Variants in SYT14 observed in about 807,000 individuals in gnomAD.
The protein encoded by SYT14 is synaptotagmin-14.
In SYT14, 32 loss-of-function variants were observed where a neutral mutation model predicts 74.2. That is an observed-to-expected ratio of 0.43 (90% confidence interval 0.33 to 0.58). The LOEUF (loss-of-function observed/expected upper bound fraction) is 0.58, where lower values mean the gene tolerates loss of function less well. Among genes scored for constraint, SYT14 ranks in the 20% least tolerant of loss-of-function variants. The pLI, the probability that SYT14 is intolerant of heterozygous loss-of-function variation, is 0.05. For missense variants in SYT14, 791 were observed against 981.8 expected, an observed-to-expected ratio of 0.81 and a Z score of 2.60; for synonymous variants, 298 against 337.7, an observed-to-expected ratio of 0.88 and a Z score of 1.29.
chr1:210,147,138 G>A (rs1254792298), intron 7 of SYT14, among the ~76,000 whole-genome samples: 3 of 150,504 alleles, frequency 2.0e-5, no homozygotes, highest in East Asian at 1.9e-4. Context: ...TGCTTTAATA[G>A]AATAAAGAAA....
intron 5 of SYT14, among the ~76,000 whole-genome samples, chr1:210,026,097 T>G (rs1462815451): frequency 1.3e-5 from 2 of 151,938 alleles, no homozygotes; most frequent in Admixed American, 6.6e-5. Context: ...TCTTCTGGGT[T>G]TTTTTTTGGA....
intron 5 of SYT14, among the ~76,000 whole-genome samples, chr1:210,037,872 G>C (rs1356624138): frequency 6.6e-6 from 1 of 152,030 alleles, no homozygotes; most frequent in Admixed American, 6.6e-5. Flanking sequence ...GTCTGTGTTG[G>C]AGAATATTCC....
At chr1:209,967,254 G>A (rs1289114226) in intron 2 of SYT14, among the ~76,000 whole-genome samples, 1 of 152,092 alleles carries the variant, frequency 6.6e-6, no homozygotes, top group East Asian at 1.9e-4. Flanking sequence ...CAGTAGGGAT[G>A]CTGGTTTATT....
intron 3 of SYT14, among the ~76,000 whole-genome samples, chr1:210,015,136 G>T (rs2080157790): frequency 6.6e-6 from 1 of 152,010 alleles, no homozygotes; most frequent in African/African-American, 2.4e-5. Context: ...GTGGTGAGAA[G>T]AGTGATTTTG....
chr1:209,982,694 C>G (rs556431808), intron 2 of SYT14, among the ~76,000 whole-genome samples: 12 of 152,244 alleles, frequency 7.9e-5, no homozygotes, highest in Admixed American at 2.0e-4. Context: ...AAGTTTTCAA[C>G]TTTTTTCAGT....
intron 5 of SYT14, among the ~76,000 whole-genome samples, chr1:210,084,343 T>C (rs1169759675): frequency 6.6e-6 from 1 of 152,208 alleles, no homozygotes; most frequent in Admixed American, 6.5e-5. Context: ...GAATATAAAT[T>C]CTCTTTGACT....
intron 2 of SYT14, among the ~76,000 whole-genome samples, chr1:209,981,029 A>T (rs532386135): frequency 2.0e-5 from 3 of 152,290 alleles, no homozygotes; most frequent in African/African-American, 7.2e-5. Flanking sequence ...CCTATAAATT[A>T]CTTTGGGCAG....
At chr1:210,149,145 T>C (rs2083106185) in intron 7 of SYT14, among the ~76,000 whole-genome samples, 1 of 151,340 alleles carries the variant, frequency 6.6e-6, no homozygotes, top group African/African-American at 2.4e-5. Flanking sequence ...TATGTATATA[T>C]ACATACATAT....
intron 2 of SYT14, among the ~76,000 whole-genome samples, chr1:209,974,348 T>C (rs1386538326): frequency 6.6e-6 from 1 of 152,256 alleles, no homozygotes; most frequent in Non-Finnish European, 1.5e-5. Flanking sequence ...GTTTCAGGTC[T>C]AACATTTACA....
At chr1:210,094,568 A>G (rs1292460245) in exon 6 of SYT14, 4 of 1,613,818 alleles carry the variant, frequency 2.5e-6, no homozygotes, top group East Asian at 2.2e-5. Flanking sequence ...GTTCCAAGTG[A>G]CAGCACTGCA....
chr1:210,030,125 A>G (rs1359649531), intron 5 of SYT14, among the ~76,000 whole-genome samples: 1 of 148,726 alleles, frequency 6.7e-6, no homozygotes, highest in Non-Finnish European at 1.5e-5. Context: ...GGATTTGTTT[A>G]TTAGTTTTTT....
chr1:209,974,379 A>G (rs1050858197), intron 2 of SYT14, among the ~76,000 whole-genome samples: 2 of 152,208 alleles, frequency 1.3e-5, no homozygotes, highest in African/African-American at 2.4e-5. Context: ...ATCTTGAATT[A>G]ATTTTTGTAT....
chr1:210,086,740 G>A (rs1016327318), intron 5 of SYT14, among the ~76,000 whole-genome samples: 7 of 152,166 alleles, frequency 4.6e-5, no homozygotes, highest in Non-Finnish European at 1.0e-4. Flanking sequence ...ATGTGTGGGT[G>A]TATGTGCAAA....
intron 5 of SYT14, among the ~76,000 whole-genome samples, chr1:210,091,682 A>G (rs1015656747): frequency 5.9e-5 from 9 of 152,154 alleles, no homozygotes; most frequent in Non-Finnish European, 1.3e-4. Flanking sequence ...TTTTGTACCA[A>G]CATTCTTTCT....
chr1:210,019,913 T>G (rs1331210477), intron 4 of SYT14, among the ~76,000 whole-genome samples: 1 of 152,190 alleles, frequency 6.6e-6, no homozygotes, highest in Non-Finnish European at 1.5e-5. Flanking sequence ...CTAGTGCTTT[T>G]TAGAACAATA....
chr1:210,097,618 C>T (rs1210806730), intron 6 of SYT14, among the ~76,000 whole-genome samples: 5 of 151,820 alleles, frequency 3.3e-5, no homozygotes, highest in Admixed American at 6.6e-5. Flanking sequence ...TCTTAGCTGT[C>T]GTGATGCTAT....
chr1:210,134,645 A>G (rs2082744372), intron 7 of SYT14, among the ~76,000 whole-genome samples: 1 of 152,094 alleles, frequency 6.6e-6, no homozygotes, highest in Non-Finnish European at 1.5e-5. Flanking sequence ...ACCATATACA[A>G]TAATGAACTC....
At chr1:210,137,784 G>C (rs1188453277) in intron 7 of SYT14, among the ~76,000 whole-genome samples, 1 of 151,120 alleles carries the variant, frequency 6.6e-6, no homozygotes, top group East Asian at 2.0e-4. Context: ...GGGTTCAAGT[G>C]ATTCTCCTGC....
At position 210,167,945 on chromosome 1, in the gene SYT14, C is replaced by CT. The variant is rs1212243102; in HGVS notation, c.*6909dup. ...TACCTATCAAAAAGTGATACCCTGA[C>CT]TTTTTTCTCTTAATCACCTGTACTG... On this transcript the variant is annotated 3_prime_UTR_variant, in exon 10 of 10. Transcript: ENST00000637265. The CT allele has an allele frequency of 1.3e-5, 2 of 152,118 alleles. 1 individual carries two copies. Among genetic ancestry groups the CT allele is most frequent in the Admixed American group, 1.3e-4 (2 of 15,268 alleles). 9.4% of individuals were successfully genotyped at this position (152,118 alleles called of 1,614,324 possible). A position where few individuals can be genotyped will look rare whatever the true frequency, so the allele number is the denominator to read the frequency against.
Sources: allele counts gnomAD v4.1 joint callset (sites outside exome capture counted in the v4.1 genomes callset), GRCh38; gene constraint gnomAD v4.1.1; transcripts MANE v1.5; gene names NCBI Gene and HGNC (gene_info 2026-07-23, HGNC 2026-07-21).